The following RPRD2 variants were observed in gnomAD, a reference collection of about 807,000 sequenced individuals.
RPRD2 encodes regulation of nuclear pre-mRNA domain containing 2, also known as regulation of nuclear pre-mRNA domain-containing protein 2.
Under a neutral mutation model 104.4 loss-of-function variants are expected in RPRD2, and 12 were observed. The observed-to-expected ratio is 0.11, with a 90% CI of 0.07 to 0.19. The LOEUF (loss-of-function observed/expected upper bound fraction) is 0.19, where lower values mean the gene tolerates loss of function less well. Ranked by LOEUF, RPRD2 falls within the 10% of genes least tolerant of loss-of-function variation. The probability of loss-of-function intolerance (pLI) is 1.00; values close to 1 mark genes in which losing one functional copy is unlikely to be tolerated. For synonymous variants in RPRD2, 714 were observed against 684.9 expected (o/e 1.04, Z -0.66); for missense variants, 1,543 against 1,790.1 (o/e 0.86, Z 2.49).
intron 2 of RPRD2, among the ~76,000 whole-genome samples, chr1:150,421,640 A>T (rs1664763075): frequency 6.6e-6 from 1 of 152,186 alleles, no homozygotes; most frequent in Non-Finnish European, 1.5e-5. Context: ...CTTATAAATA[A>T]ATAAATTATA....
At chr1:150,416,785 T>G (rs1347748039) in intron 1 of RPRD2, among the ~76,000 whole-genome samples, 3 of 150,402 alleles carry the variant, frequency 2.0e-5, no homozygotes, top group Non-Finnish European at 4.4e-5. Context: ...GACAGGAGAA[T>G]TGCTTGAGCC....
At chr1:150,458,081 G>A (rs182066671) in intron 8 of RPRD2, among the ~76,000 whole-genome samples, 4 of 151,928 alleles carry the variant, frequency 2.6e-5, no homozygotes, top group Admixed American at 6.6e-5. Context: ...GGGGACGGTC[G>A]GGGGAAAGTA....
At chr1:150,421,601 T>C (rs1396885016) in intron 2 of RPRD2, among the ~76,000 whole-genome samples, 12 of 152,128 alleles carry the variant, frequency 7.9e-5, no homozygotes, top group African/African-American at 2.9e-4. Context: ...GAATAGAAGA[T>C]TGTATTAGTG....
In RPRD2 at chr1:150,464,713, C is replaced by T. The variant is rs1553899547; in HGVS notation, c.1598C>T (p.Ala533Val). ...CTTTCCAAAACCCAGACACAGTCAG[C>T]CCCTGCACTGCAAGGTAACTGACAT... ...SALSKTQTQSAPALQGLSSLL... is the reference protein window; with the variant it reads ...SALSKTQTQSVPALQGLSSLL... Residue 533 changes from alanine to valine, a missense_variant, in exon 10 of 11, where the codon GCC becomes GTC. By Grantham distance (64) the Ala-to-Val change is moderately conservative. Transcript: ENST00000369068. The T allele has an allele frequency of 1.9e-6, 3 of 1,612,148 alleles. No individual in the cohort carries two copies. Among genetic ancestry groups the T allele is most frequent in the East Asian group, 4.5e-5 (2 of 44,868 alleles).
chr1:150,429,877 A>G (rs898797127), intron 2 of RPRD2, among the ~76,000 whole-genome samples: 2 of 152,256 alleles, frequency 1.3e-5, no homozygotes, highest in Non-Finnish European at 2.9e-5. Context: ...AACCAAAAAC[A>G]GTGGATGTAT....
At chr1:150,434,122 AGGCGAGCAGATCAC>A (rs1665837103) in intron 2 of RPRD2, among the ~76,000 whole-genome samples, 2 of 152,288 alleles carry the variant, frequency 1.3e-5, no homozygotes, top group South Asian at 4.1e-4. Flanking sequence ...TGGGAGGCTG[AGGCGAGCAGATCAC>A]TTGAGGCCAG....
At position 150,472,172 on chromosome 1, in the gene RPRD2, C is replaced by T; in HGVS notation, c.3224C>T (p.Pro1075Leu). 1.9e-6 allele frequency: 3 copies of T among 1,613,878 alleles called. No homozygotes were observed. Among genetic ancestry groups the T allele is most frequent in the Non-Finnish European group, 2.5e-6 (3 of 1,179,874 alleles). Reference protein sequence around the residue: ...TRVSSSCLDLPDSTEEKGAPI... With the variant: ...TRVSSSCLDLLDSTEEKGAPI... ...GTCTCCTCCTCCTGCTTAGACTTGC[C>T]TGATAGCACAGAAGAAAAGGGGGCC... is the stretch of plus-strand genomic sequence containing the variant. The change falls in exon 11 of 11, where the codon CCT becomes CTT. Residue 1075 changes from proline (P) to leucine (L), a missense_variant. Pro to Leu is a moderately conservative substitution (Grantham distance 98). Around this residue, in one of 4 missense-constraint regions of RPRD2, gnomAD observed 880 missense variants for 885.6 expected, o/e 0.99. Transcript: ENST00000369068.
chr1:150,420,377 C>A (rs1012059939), intron 2 of RPRD2, among the ~76,000 whole-genome samples: 2 of 152,210 alleles, frequency 1.3e-5, no homozygotes, highest in Middle Eastern at 3.4e-3. Context: ...AAACCTTAAG[C>A]CCCCAAGAAT....
At chr1:150,366,775 G>A (rs782330108) in intron 1 of RPRD2, among the ~76,000 whole-genome samples, 5 of 152,154 alleles carry the variant, frequency 3.3e-5, no homozygotes, top group Non-Finnish European at 5.9e-5. Context: ...GTGAGTGAGA[G>A]AACCTCTTCT....
intron 9 of RPRD2, among the ~76,000 whole-genome samples, chr1:150,461,823 A>G (rs1667951624): frequency 6.6e-6 from 1 of 152,032 alleles, no homozygotes; most frequent in Non-Finnish European, 1.5e-5. Flanking sequence ...TACTAAAAAT[A>G]CAAAAAAATA....
chr1:150,423,269 C>G (rs1664885502), intron 2 of RPRD2, among the ~76,000 whole-genome samples: 1 of 152,146 alleles, frequency 6.6e-6, no homozygotes, highest in Non-Finnish European at 1.5e-5. Context: ...AAACTGTGGA[C>G]TACTCTGCAA....
At chr1:150,440,572 A>G (rs1553894182) in intron 2 of RPRD2, among the ~76,000 whole-genome samples, 1 of 152,194 alleles carries the variant, frequency 6.6e-6, no homozygotes. Flanking sequence ...CAGCATTGCT[A>G]AACCTTGTCT....
intron 9 of RPRD2, 87 bp from the exon 10 acceptor site, chr1:150,464,440 A>T (rs1211086234): frequency 1.0e-6 from 1 of 993,808 alleles, no homozygotes; most frequent in African/African-American, 1.6e-5. Flanking sequence ...CCTGTTAAAT[A>T]TATCAAACTC....
rs1261965939 is a variant in RPRD2, at chr1:150,475,768, G to A, written c.*2434G>A. 2 of 152,518 alleles carry A rather than the reference G, an allele frequency of 1.3e-5. No homozygotes were observed. Among genetic ancestry groups the A allele is most frequent in the African/African-American group, 4.8e-5 (2 of 41,436 alleles). 9.4% of individuals were successfully genotyped at this position (152,518 alleles called of 1,614,324 possible). A position where few individuals can be genotyped will look rare whatever the true frequency, so the allele number is the denominator to read the frequency against. On this transcript the variant is annotated 3_prime_UTR_variant, in exon 11 of 11. Transcript: ENST00000369068. ...AAAAGACAGTTCTGGTATTCATAACGTGAAAGAAAGGGGTTTTATTCTTTC... is the reference window on the plus strand; with the variant it reads ...AAAAGACAGTTCTGGTATTCATAACATGAAAGAAAGGGGTTTTATTCTTTC...
At chr1:150,457,022 G>A (rs1030884307) in intron 7 of RPRD2, among the ~76,000 whole-genome samples, 27 of 148,854 alleles carry the variant, frequency 1.8e-4, no homozygotes, top group Non-Finnish European at 2.2e-4. Context: ...CCAGGAGTTC[G>A]AGACCAGCGT....
intron 8 of RPRD2, 90 bp from the exon 9 acceptor site, chr1:150,459,970 A>T (rs1203610862): frequency 1.6e-6 from 2 of 1,240,012 alleles, no homozygotes; most frequent in Non-Finnish European, 2.3e-6. Context: ...TTTTCCCCCA[A>T]GTCCGGAAAT....
rs188829758 is a variant in RPRD2, at chr1:150,379,488, C to A, written c.205+14569C>A. Among the ~76,000 whole-genome samples, 4 of 151,804 alleles carry A rather than the reference C, an allele frequency of 2.6e-5. No individual in the cohort carries two copies. In the East Asian group the frequency reaches 5.9e-4, roughly 22 times the overall value. On this transcript the variant is annotated intron_variant, in intron 1 of 10. Transcript: ENST00000369068. ...CGCCATCTCGGCTCACTGCAGCCTC[C>A]GCCTCCCAGGTTCAAGCGATTCACC...
At chr1:150,433,364 C>T (rs1665735342) in intron 2 of RPRD2, among the ~76,000 whole-genome samples, 1 of 148,300 alleles carries the variant, frequency 6.7e-6, no homozygotes, top group Admixed American at 6.8e-5. Flanking sequence ...ACAGACAGAC[C>T]CTCTCTCTCT....
At chr1:150,413,120 C>T (rs1664065938) in intron 1 of RPRD2, among the ~76,000 whole-genome samples, 1 of 151,956 alleles carries the variant, frequency 6.6e-6, no homozygotes, top group South Asian at 2.1e-4. Context: ...TGATGAAACC[C>T]AGAAAACAGC....
Sources: gnomAD v4.1 joint callset for allele counts (sites outside exome capture counted in the v4.1 genomes callset) on GRCh38, gnomAD v4.1.1 for gene constraint, gnomAD v4.1.1 regional missense constraint, MANE v1.5 for transcripts, NCBI Gene and HGNC (gene_info 2026-07-23, HGNC 2026-07-21) for gene names.